SESN1: variants seen among roughly 807,000 people sequenced by gnomAD.
SESN1 encodes sestrin-1.
Under a neutral mutation model 59.3 loss-of-function variants are expected in SESN1, and 30 were observed. The observed-to-expected ratio is 0.51, with a 90% CI of 0.38 to 0.69. The LOEUF (loss-of-function observed/expected upper bound fraction) is 0.69, where lower values mean the gene tolerates loss of function less well. SESN1 is among the 30% of genes least tolerant of loss of function. The pLI, the probability that SESN1 is intolerant of heterozygous loss-of-function variation, is 0.00. For missense variants in SESN1, 566 were observed against 673.0 expected (o/e 0.84, Z 1.76); for synonymous variants, 197 against 219.9 (o/e 0.90, Z 0.92).
intron 1 of SESN1, among the ~76,000 whole-genome samples, chr6:109,067,913 T>C (rs887455616): frequency 5.9e-5 from 9 of 152,344 alleles, no homozygotes; most frequent in African/African-American, 2.2e-4. Context: ...TCTTACTGTT[T>C]GGTTTATGAT....
chr6:109,017,314 C>T (rs1053153076), intron 1 of SESN1, among the ~76,000 whole-genome samples: 1 of 152,086 alleles, frequency 6.6e-6, no homozygotes, highest in Non-Finnish European at 1.5e-5. Flanking sequence ...TAGACAGAGT[C>T]TCACTCTGTC....
Position 109,093,800 on chromosome 6 carries a change from T to C in SESN1, c.274A>G (p.Ile92Val), listed in dbSNP as rs755462007. Residue 92 changes from isoleucine to valine, a missense_variant, in exon 1 of 10, where the codon ATC (isoleucine) becomes GTC (valine). Transcript: ENST00000436639. ...REKSEFILKS[I>V]QELGIRIPRP... ...TTTAAAATGCTCTTCCTTACCTGGA[T>C]GCTCTTCAGAATAAACTCACTTTTC... The C allele has an allele frequency of 1.1e-5, 18 of 1,612,958 alleles. No homozygotes were observed. The highest frequency in any genetic ancestry group is 3.3e-4 in the Middle Eastern group (2 of 6,058).
chr6:109,082,649 C>CCGGG (rs1358883016), intron 1 of SESN1, among the ~76,000 whole-genome samples: 2 of 152,162 alleles, frequency 1.3e-5, no homozygotes, highest in Non-Finnish European at 2.9e-5. Flanking sequence ...ATGCTGGACT[C>CCGGG]CAATGAAGGG....
In SESN1 at chr6:109,001,432, A is replaced by G. The variant is rs201869796; in HGVS notation, c.402T>C (p.Phe134=). 143 of 1,613,926 alleles carry G rather than the reference A, an allele frequency of 8.9e-5. No homozygotes were observed. The Middle Eastern group carries it at 2.3e-3, about 26-fold the overall frequency. Reference sequence around the variant, plus strand: ...TGTTATCCAAACGGCCCAAAGCAGCAAAAGAATCTGCAAATAAAGCATGCA... The same window carrying G: ...TGTTATCCAAACGGCCCAAAGCAGCGAAAGAATCTGCAAATAAAGCATGCA... ...AQMHALFADS[F]AALGRLDNIT... Residue 134 remains phenylalanine (F), a synonymous_variant, in exon 3 of 10, where the codon TTT becomes TTC. Coordinates refer to ENST00000436639, the MANE Select transcript of SESN1 (RefSeq NM_014454.3).
intron 1 of SESN1, among the ~76,000 whole-genome samples, chr6:109,022,679 G>T (rs1316060802): frequency 6.6e-6 from 1 of 151,910 alleles, no homozygotes; most frequent in Non-Finnish European, 1.5e-5. Context: ...CTCCCAAAGT[G>T]CTGGGATTAC....
At chr6:109,074,621 G>T (rs887921335) in intron 1 of SESN1, among the ~76,000 whole-genome samples, 1 of 152,140 alleles carries the variant, frequency 6.6e-6, no homozygotes, top group African/African-American at 2.4e-5. Context: ...ACACAAAATT[G>T]ATAGTAAAGT....
At chr6:109,011,988 T>G (rs1017151085) in intron 1 of SESN1, among the ~76,000 whole-genome samples, 2 of 152,232 alleles carry the variant, frequency 1.3e-5, no homozygotes, top group South Asian at 2.1e-4. Flanking sequence ...TTGAAATGTT[T>G]TGTTTCAAAC....
chr6:109,081,917 G>A (rs184326716), intron 1 of SESN1, among the ~76,000 whole-genome samples: 8 of 152,142 alleles, frequency 5.3e-5, no homozygotes, highest in African/African-American at 1.9e-4. Context: ...CAGCTCTAAT[G>A]TCCTCATTAA....
chr6:109,029,725 T>A (rs1036381783), intron 1 of SESN1, among the ~76,000 whole-genome samples: 1 of 151,992 alleles, frequency 6.6e-6, no homozygotes, highest in Non-Finnish European at 1.5e-5. Flanking sequence ...AGAGACAGAG[T>A]CTTGCCATGT....
At chr6:109,078,825 G>T (rs1286449289) in intron 1 of SESN1, among the ~76,000 whole-genome samples, 1 of 152,090 alleles carries the variant, frequency 6.6e-6, no homozygotes, top group East Asian at 1.9e-4. Flanking sequence ...GTCTGCTATA[G>T]AGGTGCTGTG....
At chr6:109,054,452 AT>A (rs1334373455) in intron 1 of SESN1, among the ~76,000 whole-genome samples, 2 of 152,186 alleles carry the variant, frequency 1.3e-5, no homozygotes, top group Non-Finnish European at 2.9e-5. Context: ...GTGAAGAAAT[AT>A]TATTTTTGCC....
intron 1 of SESN1, among the ~76,000 whole-genome samples, chr6:109,045,268 CA>C (rs1460604583): frequency 3.3e-5 from 5 of 151,318 alleles, no homozygotes; most frequent in Non-Finnish European, 5.9e-5. Context: ...CCAACCCCAT[CA>C]AAACAGTCCC....
chr6:109,019,733 A>G (rs902152653), intron 1 of SESN1, among the ~76,000 whole-genome samples: 1 of 152,246 alleles, frequency 6.6e-6, no homozygotes, highest in Non-Finnish European at 1.5e-5. Context: ...ATTAACAAAG[A>G]TATTATTGAT....
At chr6:109,004,821 A>G (rs1451542148) in intron 1 of SESN1, among the ~76,000 whole-genome samples, 2 of 152,216 alleles carry the variant, frequency 1.3e-5, no homozygotes, top group Admixed American at 1.3e-4. Flanking sequence ...AACAACTGCA[A>G]GTTAACTATG....
At chr6:109,078,194 A>C (rs115273467) in intron 1 of SESN1, among the ~76,000 whole-genome samples, 2,510 of 152,190 alleles carry the variant, frequency 0.016, 82 homozygotes, top group African/African-American at 0.058. Context: ...CCAGCCTAGG[A>C]AACATAATGA....
At chr6:109,052,907 G>A (rs750803797) in intron 1 of SESN1, among the ~76,000 whole-genome samples, 7 of 152,120 alleles carry the variant, frequency 4.6e-5, no homozygotes, top group Non-Finnish European at 1.0e-4. Flanking sequence ...CTGCTACCCC[G>A]TAGAGCTTAT....
chr6:109,026,160 T>C (rs986542003), intron 1 of SESN1, among the ~76,000 whole-genome samples: 3 of 152,156 alleles, frequency 2.0e-5, no homozygotes, highest in African/African-American at 4.8e-5. Context: ...AGAGAAAATA[T>C]CATTGTTGAA....
chr6:109,068,350 A>T (rs189143449), intron 1 of SESN1, among the ~76,000 whole-genome samples: 43 of 152,330 alleles, frequency 2.8e-4, no homozygotes, highest in Admixed American at 2.5e-3. Flanking sequence ...CTGCTCAGAG[A>T]AAGTAACAAT....
chr6:109,079,842 G>T (rs12524627), intron 1 of SESN1, among the ~76,000 whole-genome samples: 24,434 of 152,080 alleles, frequency 0.16, 2,477 homozygotes, highest in Non-Finnish European at 0.23. Flanking sequence ...CTGAATAAAA[G>T]AATAAGTTGA....
Sources: allele counts gnomAD v4.1 joint callset (sites outside exome capture counted in the v4.1 genomes callset), GRCh38; gene constraint gnomAD v4.1.1; transcripts MANE v1.5; gene names NCBI Gene and HGNC (gene_info 2026-07-23, HGNC 2026-07-21).